Variants in LRRK2 observed in about 807,000 individuals in gnomAD.
LRRK2 encodes the protein leucine rich repeat kinase 2, also known as leucine-rich repeat serine/threonine-protein kinase 2.
In LRRK2, 203 loss-of-function variants were observed where a neutral mutation model predicts 302.6. The ratio of observed to expected loss-of-function variants is 0.67; its 90% CI spans 0.60 to 0.75. The LOEUF (loss-of-function observed/expected upper bound fraction) is 0.75, where lower values mean the gene tolerates loss of function less well. Among genes scored for constraint, LRRK2 ranks in the 30% least tolerant of loss-of-function variants. LRRK2 has a pLI of 0.00. For missense variants in LRRK2, 2,830 were observed against 2,951.0 expected (o/e 0.96, Z 0.95); for synonymous variants, 1,066 against 1,031.9 (o/e 1.03, Z -0.63).
intron 41 of LRRK2, among the ~76,000 whole-genome samples, chr12:40,342,479 C>CTT (rs3065921): frequency 0.75 from 107,117 of 142,352 alleles, 41,041 homozygotes; most frequent in Non-Finnish European, 0.84. Flanking sequence ...ACTTTGTAAG[C>CTT]TTTTTTTTTT....
In LRRK2 at chr12:40,308,677, A is replaced by G; in HGVS notation, c.4170A>G (p.Leu1390=). 6.2e-7 allele frequency: 1 copy of G among 1,613,794 alleles called. No homozygotes were observed. The highest frequency in any genetic ancestry group is 2.2e-5 in the East Asian group (1 of 44,838). The change falls in exon 29 of 51, where the codon CTA becomes CTG. Residue 1390 remains leucine, a synonymous_variant. Transcript: ENST00000298910. ...IRDKRKRDLV[L]NVWDFAGREE... ...ACAAAAGAAAGAGAGATCTCGTCCT[A>G]AATGTGTGGGATTTTGCAGGTATTT...
intron 25 of LRRK2, chr12:40,300,979 A>G: frequency 2.1e-6 from 1 of 470,084 alleles, no homozygotes; most frequent in Non-Finnish European, 4.4e-6. Flanking sequence ...TCTCACAATG[A>G]TCCTAATGGT....
chr12:40,353,585 G>A (rs543105749), intron 44 of LRRK2, among the ~76,000 whole-genome samples: 1,822 of 152,026 alleles, frequency 0.012, 38 homozygotes, highest in African/African-American at 0.041. Context: ...ACGGGGTGGC[G>A]GCCGGGCAGA....
chr12:40,275,611 A>T (rs1341526099), intron 16 of LRRK2, among the ~76,000 whole-genome samples: 1 of 150,940 alleles, frequency 6.6e-6, no homozygotes, highest in East Asian at 1.9e-4. Flanking sequence ...ACTACAAAGG[A>T]ATTTTTTTTT....
chr12:40,365,736 A>C (rs1267693453), intron 49 of LRRK2: 2 of 152,026 alleles, frequency 1.3e-5, no homozygotes, highest in African/African-American at 4.8e-5. Context: ...ACTTTAGCAA[A>C]TAATGAATGT....
intron 22 of LRRK2, 52 bp from the exon 23 acceptor site, chr12:40,295,375 G>A (rs879773827): frequency 4.4e-5 from 68 of 1,549,606 alleles, no homozygotes; most frequent in Non-Finnish European, 5.6e-5. Context: ...TTTACTACAT[G>A]AATTTAAATT....
intron 2 of LRRK2, among the ~76,000 whole-genome samples, chr12:40,225,937 G>C (rs777755566): frequency 9.9e-5 from 15 of 152,114 alleles, no homozygotes; most frequent in Non-Finnish European, 1.9e-4. Flanking sequence ...TTATTGGCAA[G>C]ATGAATTCAT....
chr12:40,324,429 G>A (rs1307465426), intron 38 of LRRK2, among the ~76,000 whole-genome samples: 1 of 152,134 alleles, frequency 6.6e-6, no homozygotes, highest in African/African-American at 2.4e-5. Flanking sequence ...ATTAACTGTA[G>A]GCTGACATAC....
intron 38 of LRRK2, among the ~76,000 whole-genome samples, chr12:40,324,587 C>T (rs1345540032): frequency 6.6e-6 from 1 of 152,094 alleles, no homozygotes; most frequent in Non-Finnish European, 1.5e-5. Context: ...AATCAAATTA[C>T]CCCAGAAATA....
At chr12:40,259,764 A>G (rs1333033490) in intron 13 of LRRK2, among the ~76,000 whole-genome samples, 160 bp downstream of exon 13, 2 of 152,212 alleles carry the variant, frequency 1.3e-5, no homozygotes, top group Admixed American at 6.6e-5. Flanking sequence ...ATGATGCAGA[A>G]GAGTCACTTA....
intron 39 of LRRK2, among the ~76,000 whole-genome samples, chr12:40,331,872 A>G (rs896483568): frequency 6.6e-6 from 1 of 152,208 alleles, no homozygotes; most frequent in African/African-American, 2.4e-5. Flanking sequence ...TTTTCTTTAA[A>G]ATTCCTTTAA....
chr12:40,348,302 A>T (rs1331827205), intron 42 of LRRK2, 107 bp from the exon 43 acceptor site: 6 of 757,548 alleles, frequency 7.9e-6, no homozygotes. Flanking sequence ...AGGATTATGG[A>T]GATAATATTT....
At chr12:40,231,896 T>G (rs1029920392) in intron 2 of LRRK2, among the ~76,000 whole-genome samples, 1 of 151,304 alleles carries the variant, frequency 6.6e-6, no homozygotes, top group Non-Finnish European at 1.5e-5. Context: ...CTCTGCCTCC[T>G]GGGTTCAAGC....
At position 40,249,869 on chromosome 12, in the gene LRRK2, T is replaced by G; in HGVS notation, c.882T>G (p.Phe294Leu). ...TGGTATTAAACGAAGTCCATGAGTT[T>G]GTGGTGAAAGCTGTGCAGCAGTACC... is the stretch of plus-strand genomic sequence containing the variant. ...NILVLNEVHE[F>L]VVKAVQQYPE... Residue 294 changes from phenylalanine to leucine, a missense_variant, in exon 8 of 51, where the codon TTT becomes TTG. Physicochemically the swap from Phe to Leu is conservative, Grantham distance 22. This residue lies in a region of LRRK2 where 2,121 missense variants were observed against 2,148.0 expected (regional missense o/e 0.99). Coordinates refer to ENST00000298910, the MANE Select transcript of LRRK2 (RefSeq NM_198578.4). 6.2e-7 allele frequency: 1 copy of G among 1,613,932 alleles called. No homozygotes were observed. Among genetic ancestry groups the G allele is most frequent in the Non-Finnish European group, 8.5e-7 (1 of 1,179,862 alleles).
rs1941241305 is a variant in LRRK2, at chr12:40,232,366, A to G, written c.330A>G (p.Glu110=). 9 of 1,613,482 alleles carry G rather than the reference A, an allele frequency of 5.6e-6. No individual in the cohort carries two copies. Among genetic ancestry groups the G allele is most frequent in the Non-Finnish European group, 7.6e-6 (9 of 1,179,392 alleles). ...CCCAGGATGTTGGAAATGATTGGGA[A>G]GTCCTTGGTGTTCACCAGTAAGTAT... ...MGPQDVGNDW[E]VLGVHQLILK... Residue 110 remains glutamate (E), a synonymous_variant, in exon 3 of 51, where the codon GAA becomes GAG. Transcript: ENST00000298910.
intron 44 of LRRK2, among the ~76,000 whole-genome samples, chr12:40,353,296 A>G (rs1946422563): frequency 9.7e-6 from 1 of 103,016 alleles, no homozygotes; most frequent in South Asian, 3.3e-4. Flanking sequence ...GGGACTCCTC[A>G]CTTCTCAGAC....
At chr12:40,335,396 A>C (rs1219785467) in intron 40 of LRRK2, among the ~76,000 whole-genome samples, 5 of 152,212 alleles carry the variant, frequency 3.3e-5, no homozygotes, top group African/African-American at 1.2e-4. Flanking sequence ...CTGCTCTAGA[A>C]CCCATCATCT....
intron 49 of LRRK2, 127 bp from the exon 50 acceptor site, chr12:40,366,879 A>G (rs1015914522): frequency 1.5e-6 from 1 of 676,018 alleles, no homozygotes; most frequent in East Asian, 2.9e-5. Context: ...AGGGTCACCT[A>G]GAAAATAGAA....
In LRRK2 at chr12:40,238,071, G is replaced by C. The variant is rs199807643; in HGVS notation, c.539G>C (p.Gly180Ala). 2.7e-5 allele frequency: 43 copies of C among 1,613,538 alleles called. No individual in the cohort carries two copies. Among genetic ancestry groups the C allele is most frequent in the Non-Finnish European group, 3.5e-5 (41 of 1,179,784 alleles). Residue 180 changes from glycine (G) to alanine (A), a missense_variant, in exon 5 of 51, where the codon GGA (glycine) becomes GCA (alanine). Transcript: ENST00000298910. Reference sequence around the variant, plus strand: ...GCCAATGATGAAGTCCAGAAACTTGGATGCAAAGCTTTACATGTGCTGTTT... The same window carrying C: ...GCCAATGATGAAGTCCAGAAACTTGCATGCAAAGCTTTACATGTGCTGTTT... Reference protein sequence around the residue: ...FPANDEVQKLGCKALHVLFER... With the variant: ...FPANDEVQKLACKALHVLFER...
Sources: gnomAD v4.1 joint callset for allele counts (sites outside exome capture counted in the v4.1 genomes callset) on GRCh38, gnomAD v4.1.1 for gene constraint, gnomAD v4.1.1 regional missense constraint, MANE v1.5 for transcripts, NCBI Gene and HGNC (gene_info 2026-07-23, HGNC 2026-07-21) for gene names.